Variants in XYLB observed in about 807,000 individuals in gnomAD.
The protein encoded by XYLB is xylulokinase.
Under a neutral mutation model 78.7 loss-of-function variants are expected in XYLB, and 62 were observed. The observed-to-expected ratio is 0.79, with a 90% confidence interval of 0.64 to 0.97. XYLB has a LOEUF of 0.97. Among genes scored for constraint, XYLB ranks in the 50% least tolerant of loss-of-function variants. XYLB has a pLI of 0.00. For missense variants in XYLB, 687 were observed against 676.8 expected (o/e 1.02, Z -0.17); for synonymous variants, 245 against 247.4 (o/e 0.99, Z 0.09).
intron 1 of XYLB, among the ~76,000 whole-genome samples, chr3:38,347,803 G>C (rs984881228): frequency 1.3e-5 from 2 of 152,268 alleles, no homozygotes; most frequent in Non-Finnish European, 2.9e-5. Context: ...GCAGTGTGCT[G>C]CTGCCAACGC....
chr3:38,351,307 T>C (rs1705351930), intron 2 of XYLB, among the ~76,000 whole-genome samples: 1 of 151,736 alleles, frequency 6.6e-6, no homozygotes, highest in South Asian at 2.1e-4. Flanking sequence ...TGACTTCTAG[T>C]CTTTCAAAAT....
intron 15 of XYLB, 59 bp downstream of exon 15, chr3:38,379,401 CA>C: frequency 6.5e-7 from 1 of 1,545,552 alleles, no homozygotes; most frequent in South Asian, 1.1e-5. Flanking sequence ...AGCTCACTCG[CA>C]GGGGCCAGGG....
intron 15 of XYLB, among the ~76,000 whole-genome samples, chr3:38,394,525 T>G (rs890727813): frequency 1.3e-5 from 2 of 152,232 alleles, no homozygotes; most frequent in African/African-American, 4.8e-5. Context: ...GTTTTTGTTA[T>G]CTTATGGCAT....
intron 12 of XYLB, among the ~76,000 whole-genome samples, chr3:38,375,524 C>T (rs1417492083): frequency 6.6e-6 from 1 of 152,178 alleles, no homozygotes; most frequent in Non-Finnish European, 1.5e-5. Context: ...TGACCTTGGG[C>T]AAACTCTGTA....
intron 11 of XYLB, 106 bp from the exon 12 acceptor site, chr3:38,375,038 G>C (rs754789255): frequency 2.4e-5 from 21 of 866,680 alleles, no homozygotes; most frequent in Non-Finnish European, 3.6e-5. Context: ...TCTGCAGCAT[G>C]AGTGAAGTGA....
At chr3:38,436,312 G>GA in the XYLB span, among the ~76,000 whole-genome samples, 55 of 152,134 alleles carry the variant, frequency 3.6e-4, no homozygotes, top group East Asian at 1.9e-3. Context: ...AGACAAACTG[G>GA]AAAAAACAGA....
chr3:38,435,286 T>C, the XYLB span, among the ~76,000 whole-genome samples: 1 of 152,084 alleles, frequency 6.6e-6, no homozygotes, highest in Non-Finnish European at 1.5e-5. Flanking sequence ...GTATCTATGC[T>C]TATTATACTA....
At chr3:38,398,380 A>T (rs1389175169) in intron 17 of XYLB, among the ~76,000 whole-genome samples, 1 of 151,776 alleles carries the variant, frequency 6.6e-6, no homozygotes, top group African/African-American at 2.4e-5. Context: ...AGGCAGGAGA[A>T]TCGCTTGAAC....
intron 2 of XYLB, among the ~76,000 whole-genome samples, chr3:38,359,082 C>T (rs571606756): frequency 1.3e-5 from 2 of 152,218 alleles, no homozygotes; most frequent in South Asian, 2.1e-4. Context: ...CTGAGAGCCA[C>T]AAACAGAGTT....
chr3:38,374,562 G>A lies in XYLB; in HGVS notation c.888+60G>A, dbSNP rs926697928. On this transcript the variant is annotated intron_variant, in intron 11 of 18. Transcript: ENST00000207870. The stretch of plus-strand genomic sequence containing the variant: ...GTTTCCACACTCACACCCACACTCT[G>A]ATAAGTAGCAGAGGTGCTGCTGAGA... 5.0e-6 allele frequency: 8 copies of A among 1,610,064 alleles called. No homozygotes were observed. In the East Asian group the frequency reaches 1.3e-4, roughly 27 times the overall value.
chr3:38,403,289 CAA>C (rs35593230), intron 18 of XYLB, among the ~76,000 whole-genome samples: 34 of 126,454 alleles, frequency 2.7e-4, no homozygotes, highest in Admixed American at 4.1e-4. Flanking sequence ...GACCCTGTCT[CAA>C]AAAAAAAAAA....
chr3:38,372,425 T>G, intron 9 of XYLB: 1 of 985,372 alleles, frequency 1.0e-6, no homozygotes, highest in Non-Finnish European at 1.2e-6. Context: ...TGAAATGACC[T>G]CATGCTCGTG....
At chr3:38,418,987 A>C (rs114963950), downstream of XYLB, among the ~76,000 whole-genome samples, 453 of 152,248 alleles carry the variant, frequency 3.0e-3, 3 homozygotes, top group African/African-American at 0.01. Context: ...CATCACCACC[A>C]CACATTTCCA....
intron 16 of XYLB, among the ~76,000 whole-genome samples, chr3:38,396,391 C>G (rs1478825760): frequency 6.6e-6 from 1 of 152,212 alleles, no homozygotes; most frequent in Non-Finnish European, 1.5e-5. Context: ...AGGGGGCCAA[C>G]AGGCCACCCT....
At chr3:38,433,358 G>A in the XYLB span, among the ~76,000 whole-genome samples, 1 of 152,226 alleles carries the variant, frequency 6.6e-6, no homozygotes, top group Non-Finnish European at 1.5e-5. Flanking sequence ...ACATGCCCTG[G>A]AAACATTTTC....
chr3:38,445,271 T>C, the XYLB span, among the ~76,000 whole-genome samples: 1 of 152,162 alleles, frequency 6.6e-6, no homozygotes, highest in Non-Finnish European at 1.5e-5. Context: ...TAGGCCTGCT[T>C]GTCTGAGGAG....
At chr3:38,411,538 AT>A (rs1708587288) in intron 18 of XYLB, among the ~76,000 whole-genome samples, 1 of 152,038 alleles carries the variant, frequency 6.6e-6, no homozygotes, top group South Asian at 2.1e-4. Context: ...AAAAAAAAAA[AT>A]CTGGCAAATT....
intron 10 of XYLB, among the ~76,000 whole-genome samples, chr3:38,373,407 T>C (rs1016028990): frequency 1.3e-5 from 2 of 152,262 alleles, no homozygotes; most frequent in Admixed American, 6.5e-5. Context: ...AAGGTTAATT[T>C]TAACCTTAAT....
At chr3:38,390,862 T>C (rs1575514394) in intron 15 of XYLB, among the ~76,000 whole-genome samples, 1 of 152,296 alleles carries the variant, frequency 6.6e-6, no homozygotes, top group East Asian at 1.9e-4. Context: ...GTAGAGTATA[T>C]GTATCTTACA....
Sources: allele counts gnomAD v4.1 joint callset (sites outside exome capture counted in the v4.1 genomes callset), GRCh38; gene constraint gnomAD v4.1.1; transcripts MANE v1.5; gene names NCBI Gene and HGNC (gene_info 2026-07-23, HGNC 2026-07-21).